Variants in AGPAT5 observed in about 807,000 individuals in gnomAD.
AGPAT5 encodes 1-acyl-sn-glycerol-3-phosphate acyltransferase epsilon.
Under a neutral mutation model 45.6 loss-of-function variants are expected in AGPAT5, and 46 were observed. That is an observed-to-expected ratio of 1.01 (90% CI 0.80 to 1.29). The LOEUF is 1.29. AGPAT5 is among the 50% of genes most tolerant of loss of function. The pLI, the probability that AGPAT5 is intolerant of heterozygous loss-of-function variation, is 0.00. For synonymous variants in AGPAT5, 272 were observed against 167.0 expected, an observed-to-expected ratio of 1.63 and a Z score of -4.85; for missense variants, 673 against 450.7, an observed-to-expected ratio of 1.49 and a Z score of -4.47.
chr8:6,722,497 T>C (rs1377594412), intron 1 of AGPAT5, among the ~76,000 whole-genome samples: 3 of 152,216 alleles, frequency 2.0e-5, no homozygotes, highest in Non-Finnish European at 4.4e-5. Flanking sequence ...AAGAATGCTG[T>C]ATATTTATGT....
At chr8:6,739,517 A>G (rs551418864) in intron 4 of AGPAT5, among the ~76,000 whole-genome samples, 62 of 152,230 alleles carry the variant, frequency 4.1e-4, no homozygotes, top group African/African-American at 1.4e-3. Flanking sequence ...TATATCCCTA[A>G]GAATTTCAGT....
intron 6 of AGPAT5, among the ~76,000 whole-genome samples, chr8:6,748,191 T>C: frequency 6.6e-6 from 1 of 152,160 alleles, no homozygotes; most frequent in East Asian, 1.9e-4. Flanking sequence ...TTGCTGTATT[T>C]TTCGTAAAAT....
chr8:6,755,125 C>T lies in AGPAT5; in HGVS notation c.820C>T (p.Gln274Ter), dbSNP rs769558727. The T allele has an allele frequency of 3.1e-6, 5 of 1,608,942 alleles. No individual in the cohort carries two copies. The highest frequency in any genetic ancestry group is 4.2e-6 in the Non-Finnish European group (5 of 1,178,976). ...CGACAAAAAAGATGTCCCAGAAGAA[C>T]AAGAACATATGAGAAGATGGCTGCA... is the stretch of plus-strand genomic sequence containing the variant. ...RIDKKDVPEEQEHMRRWLHER... is the reference protein window; with the variant it reads ...RIDKKDVPEE Residue 274 changes from glutamine to a stop codon, truncating the protein, a stop_gained, in exon 7 of 8, where the codon CAA (glutamine) becomes TAA (stop). Transcript: ENST00000285518. LOFTEE classifies it high-confidence loss of function.
At chr8:6,738,216 T>G (rs1160603727) in intron 4 of AGPAT5, among the ~76,000 whole-genome samples, 1 of 152,190 alleles carries the variant, frequency 6.6e-6, no homozygotes, top group Non-Finnish European at 1.5e-5. Flanking sequence ...TTCTAGCTAT[T>G]GATGTAAAGT....
chr8:6,708,753 G>T lies in AGPAT5; in HGVS notation c.85G>T (p.Val29Leu). 2.5e-6 allele frequency: 4 copies of T among 1,608,542 alleles called. No individual in the cohort carries two copies. Among genetic ancestry groups the T allele is most frequent in the Non-Finnish European group, 3.4e-6 (4 of 1,179,712 alleles). ...VVLLGTAPTYVLAWGVWRLLS... is the reference protein window; with the variant it reads ...VVLLGTAPTYLLAWGVWRLLS... ...GCTCCTGGGCACGGCGCCCACCTAC[G>T]TGTTGGCCTGGGGGGTCTGGCGGCT... The change falls in exon 1 of 8, where the codon GTG becomes TTG. Residue 29 changes from valine to leucine, a missense_variant. By Grantham distance (32) the Val-to-Leu change is conservative. Transcript: ENST00000285518.
At chr8:6,724,150 T>C (rs1007505038) in intron 1 of AGPAT5, among the ~76,000 whole-genome samples, 2 of 152,228 alleles carry the variant, frequency 1.3e-5, no homozygotes, top group Non-Finnish European at 2.9e-5. Context: ...AAAAATAAAC[T>C]GGAATGATGT....
intron 6 of AGPAT5, among the ~76,000 whole-genome samples, chr8:6,749,547 C>T (rs760413252): frequency 3.9e-5 from 6 of 152,172 alleles, no homozygotes; most frequent in Admixed American, 6.5e-5. Flanking sequence ...TCCTTCCTAG[C>T]GATAACCAGT....
At chr8:6,751,445 C>T (rs574892003) in intron 6 of AGPAT5, among the ~76,000 whole-genome samples, 2 of 152,222 alleles carry the variant, frequency 1.3e-5, no homozygotes, top group African/African-American at 2.4e-5. Context: ...GCTACCAGGA[C>T]GCTCTGCAGG....
intron 6 of AGPAT5, among the ~76,000 whole-genome samples, chr8:6,754,785 C>T (rs1353061487): frequency 1.3e-5 from 2 of 152,128 alleles, no homozygotes; most frequent in Admixed American, 6.5e-5. Context: ...TGAAAAATAA[C>T]ATTTGGTACT....
chr8:6,754,873 C>T (rs1413301389), intron 6 of AGPAT5, among the ~76,000 whole-genome samples, 178 bp from the exon 7 acceptor site: 2 of 152,046 alleles, frequency 1.3e-5, no homozygotes, highest in African/African-American at 4.8e-5. Context: ...AGCTTGAAAC[C>T]CCCAACCACC....
intron 4 of AGPAT5, among the ~76,000 whole-genome samples, chr8:6,734,125 A>G (rs1014556918): frequency 1.3e-5 from 2 of 152,076 alleles, no homozygotes; most frequent in Non-Finnish European, 2.9e-5. Flanking sequence ...GTCTGTTATT[A>G]ATTTTGGAAA....
rs1487494206 is a variant in AGPAT5 at position 6,741,699 on chromosome 8, T to C, written c.534T>C (p.Asn178=). ...LVIFPEGTRY[N]PEQTKVLSAS... ...TTTTTCCAGAAGGTACAAGGTATAA[T>C]CCAGAGCAAACAAAAGTCCTTTCAG... The change falls in exon 5 of 8, where the codon AAT becomes AAC. Residue 178 remains asparagine, a synonymous_variant. Coordinates refer to ENST00000285518, the MANE Select transcript of AGPAT5 (RefSeq NM_018361.5). 6.2e-7 allele frequency: 1 copy of C among 1,612,928 alleles called. No homozygotes were observed. Among genetic ancestry groups the C allele is most frequent in the East Asian group, 2.2e-5 (1 of 44,806 alleles).
intron 1 of AGPAT5, among the ~76,000 whole-genome samples, chr8:6,723,937 C>G (rs550713636): frequency 7.9e-5 from 12 of 152,310 alleles, no homozygotes; most frequent in Non-Finnish European, 1.6e-4. Context: ...AATTTATAAT[C>G]TTGCATAATC....
chr8:6,734,986 C>G (rs1453351729), intron 4 of AGPAT5, among the ~76,000 whole-genome samples: 1 of 152,074 alleles, frequency 6.6e-6, no homozygotes, highest in African/African-American at 2.4e-5. Flanking sequence ...CCCCACTATA[C>G]TTCTTGGATA....
intron 1 of AGPAT5, among the ~76,000 whole-genome samples, chr8:6,719,757 C>T (rs1800442274): frequency 6.6e-6 from 1 of 152,146 alleles, no homozygotes; most frequent in Non-Finnish European, 1.5e-5. Flanking sequence ...ATTAATGAAA[C>T]GTTGATGTTC....
chr8:6,752,971 C>A (rs1467774440), intron 6 of AGPAT5, among the ~76,000 whole-genome samples: 2 of 152,146 alleles, frequency 1.3e-5, no homozygotes, highest in African/African-American at 4.8e-5. Flanking sequence ...TGTTATAGCC[C>A]CACCATGGCT....
rs534843026 is a variant in AGPAT5, at chr8:6,732,664, C to T, written c.495+14C>T. ...GCAGGAACTCCAGTAAGAGCCTACC[C>T]GTTTTTATTTTTCTTACCAGCTCTC... On this transcript the variant is annotated intron_variant, in intron 4 of 7. Transcript: ENST00000285518. 12 of 1,572,466 alleles carry T rather than the reference C, an allele frequency of 7.6e-6. No homozygotes were observed. The highest frequency in any genetic ancestry group is 1.7e-4 in the Middle Eastern group (1 of 5,890).
intron 1 of AGPAT5, among the ~76,000 whole-genome samples, chr8:6,711,708 A>G (rs1316067152): frequency 1.3e-5 from 2 of 152,082 alleles, no homozygotes. Flanking sequence ...TGTAGGCTCA[A>G]TTTTACTCCC....
intron 4 of AGPAT5, among the ~76,000 whole-genome samples, chr8:6,733,725 A>T (rs1298144826): frequency 6.6e-6 from 1 of 152,218 alleles, no homozygotes; most frequent in Non-Finnish European, 1.5e-5. Context: ...AAAAAAATTT[A>T]AAAATCATGA....
Sources: allele counts gnomAD v4.1 joint callset (sites outside exome capture counted in the v4.1 genomes callset), GRCh38; gene constraint gnomAD v4.1.1; transcripts MANE v1.5; gene names NCBI Gene and HGNC (gene_info 2026-07-23, HGNC 2026-07-21).